Variants in ABCB7 observed in about 807,000 individuals in gnomAD.
ABCB7 encodes the protein ATP binding cassette subfamily B member 7.
Under a neutral mutation model 54.4 loss-of-function variants are expected in ABCB7, and 7 were observed. The observed-to-expected ratio is 0.13, with a 90% confidence interval of 0.07 to 0.24. The LOEUF is 0.24. ABCB7 is among the 10% of genes least tolerant of loss of function. The probability of loss-of-function intolerance (pLI) is 1.00; values close to 1 mark genes in which losing one functional copy is unlikely to be tolerated. For missense variants in ABCB7, 356 were observed against 570.4 expected, an observed-to-expected ratio of 0.62 and a Z score of 3.83; for synonymous variants, 218 against 207.1, an observed-to-expected ratio of 1.05 and a Z score of -0.45.
chrX:75,131,948 G>C (rs1000438103), intron 1 of ABCB7, among the ~76,000 whole-genome samples: 5 of 111,531 alleles, frequency 4.5e-5, no homozygotes, highest in African/African-American at 1.6e-4. Context: ...AAAAGAGCCT[G>C]GTCACTTCAC....
intron 2 of ABCB7, among the ~76,000 whole-genome samples, chrX:75,113,736 T>C (rs750574087): frequency 5.4e-5 from 6 of 111,741 alleles, no homozygotes; most frequent in African/African-American, 1.9e-4. Flanking sequence ...ATATCATACA[T>C]AGCATAGCAA....
At chrX:75,153,833 A>C in intron 1 of ABCB7, among the ~76,000 whole-genome samples, 1 of 105,252 alleles carries the variant, frequency 9.5e-6, no homozygotes, top group Non-Finnish European at 1.9e-5. Flanking sequence ...ACTTCACTTA[A>C]GATGTAAAAA....
intron 1 of ABCB7, among the ~76,000 whole-genome samples, chrX:75,132,606 G>A (rs932628920): frequency 7.1e-5 from 8 of 112,463 alleles, no homozygotes; most frequent in African/African-American, 2.3e-4. Flanking sequence ...CACTCTCAAA[G>A]CACTGAGAGG....
At chrX:75,135,550 C>A (rs773495964) in intron 1 of ABCB7, among the ~76,000 whole-genome samples, 1 of 111,316 alleles carries the variant, frequency 9.0e-6, no homozygotes, top group South Asian at 3.8e-4. Context: ...GGCCAATATC[C>A]CCGACCAACA....
At chrX:75,121,387 A>G (rs1207640773) in intron 1 of ABCB7, among the ~76,000 whole-genome samples, 1 of 111,650 alleles carries the variant, frequency 9.0e-6, no homozygotes, top group Admixed American at 9.5e-5. Context: ...CAGTCTTACC[A>G]TGATTTATCT....
intron 1 of ABCB7, among the ~76,000 whole-genome samples, chrX:75,115,610 T>C (rs960383788): frequency 9.2e-6 from 1 of 108,618 alleles, no homozygotes; most frequent in Non-Finnish European, 1.9e-5. Flanking sequence ...ATTTATATAC[T>C]GGTCACAAGA....
chrX:75,108,058 T>C (rs2081720636), intron 3 of ABCB7, among the ~76,000 whole-genome samples: 1 of 111,208 alleles, frequency 9.0e-6, no homozygotes, highest in Admixed American at 9.5e-5. Flanking sequence ...GGGGGTAGTC[T>C]GGCAGTACTC....
At chrX:75,106,291 G>A (rs1262464297) in intron 3 of ABCB7, among the ~76,000 whole-genome samples, 1 of 111,233 alleles carries the variant, frequency 9.0e-6, no homozygotes, top group African/African-American at 3.3e-5. Context: ...ATCAAGAAGC[G>A]AGCTAAAGAC....
At chrX:75,112,620 A>G (rs1335374421) in intron 3 of ABCB7, among the ~76,000 whole-genome samples, 1 of 111,996 alleles carries the variant, frequency 8.9e-6, no homozygotes, top group Non-Finnish European at 1.9e-5. Context: ...GCTAAATTAC[A>G]TAACAACCTC....
At chrX:75,143,572 T>C (rs1431811135) in intron 1 of ABCB7, among the ~76,000 whole-genome samples, 1 of 111,217 alleles carries the variant, frequency 9.0e-6, no homozygotes, top group Non-Finnish European at 1.9e-5. Flanking sequence ...CAATTTACTG[T>C]ATTAGTCCAT....
Position 75,125,305 on chromosome X carries a change from T to C in ABCB7, c.169-10474A>G, listed in dbSNP as rs140081228. On this transcript the variant is annotated intron_variant, in intron 1 of 15. Coordinates refer to ENST00000373394, the MANE Select transcript of ABCB7 (RefSeq NM_001271696.3). ...ACAGAAAGTGTAGGCTAAGAGAACATTGATATAACACAAACCCAACTCTAG... is the reference window on the plus strand; with the variant it reads ...ACAGAAAGTGTAGGCTAAGAGAACACTGATATAACACAAACCCAACTCTAG... Among the ~76,000 whole-genome samples, 424 of 111,630 alleles carry C rather than the reference T, an allele frequency of 3.8e-3. 2 individuals carry two copies. Among genetic ancestry groups the C allele is most frequent in the Middle Eastern group, 0.032 (7 of 218 alleles).
intron 3 of ABCB7, among the ~76,000 whole-genome samples, chrX:75,102,755 A>G (rs894968609): frequency 1.8e-5 from 2 of 111,426 alleles, no homozygotes; most frequent in Non-Finnish European, 3.8e-5. Flanking sequence ...TGGCTGTACT[A>G]ATTTACAGTC....
intron 9 of ABCB7, 72 bp downstream of exon 9, chrX:75,071,437 C>T: frequency 9.1e-7 from 1 of 1,098,484 alleles, no homozygotes; most frequent in Non-Finnish European, 1.3e-6. Context: ...GATAAGCATG[C>T]ACATTCCTTT....
chrX:75,103,923 C>CA (rs2081660729), intron 3 of ABCB7, among the ~76,000 whole-genome samples: 1 of 108,306 alleles, frequency 9.2e-6, no homozygotes, highest in Non-Finnish European at 1.9e-5. Context: ...CTAAGAGGGA[C>CA]AATCTGACTT....
At chrX:75,115,150 C>T (rs2081799359) in intron 1 of ABCB7, among the ~76,000 whole-genome samples, 1 of 106,339 alleles carries the variant, frequency 9.4e-6, no homozygotes, top group South Asian at 4.2e-4. Flanking sequence ...CGCCTGTAGT[C>T]CCAGTTACTC....
intron 4 of ABCB7, chrX:75,097,402 T>C (rs1018925438): frequency 8.9e-6 from 1 of 112,035 alleles, no homozygotes; most frequent in Non-Finnish European, 1.9e-5. Flanking sequence ...CCTAACTTTC[T>C]TCTGAAACCC....
At chrX:75,107,458 C>T (rs759594718) in intron 3 of ABCB7, among the ~76,000 whole-genome samples, 40 of 111,491 alleles carry the variant, frequency 3.6e-4, no homozygotes, top group East Asian at 2.9e-4. Flanking sequence ...CTTCCTTCCA[C>T]GTGAGGAGAG....
chrX:75,063,116 G>C (rs183005609), intron 13 of ABCB7, among the ~76,000 whole-genome samples: 130 of 111,746 alleles, frequency 1.2e-3, no homozygotes, highest in African/African-American at 4.0e-3. Context: ...ACCCATTTCA[G>C]TCCAATGCTC....
intron 1 of ABCB7, among the ~76,000 whole-genome samples, chrX:75,125,294 C>A (rs757391055): frequency 1.8e-5 from 2 of 111,415 alleles, no homozygotes; most frequent in Admixed American, 9.6e-5. Flanking sequence ...AAAGTGTAGG[C>A]TAAGAGAACA....
Sources: gnomAD v4.1 joint callset for allele counts (sites outside exome capture counted in the v4.1 genomes callset) on GRCh38, gnomAD v4.1.1 for gene constraint, MANE v1.5 for transcripts, NCBI Gene and HGNC (gene_info 2026-07-23, HGNC 2026-07-21) for gene names.